HROB: variants seen among roughly 807,000 people sequenced by gnomAD.
HROB encodes homologous recombination factor with OB-fold.
HROB carries 44 observed loss-of-function variants against 61.0 expected under a neutral mutation model. The ratio of observed to expected loss-of-function variants is 0.72; its 90% CI spans 0.57 to 0.93. The LOEUF is 0.93. Ranked by LOEUF, HROB falls within the 40% of genes least tolerant of loss-of-function variation. HROB has a pLI of 0.00. For missense variants in HROB, 716 were observed against 796.2 expected (o/e 0.90, Z 1.21); for synonymous variants, 301 against 310.4 (o/e 0.97, Z 0.32).
At chr17:44,152,402 C>G (rs181782190) in intron 4 of HROB, among the ~76,000 whole-genome samples, 1 of 150,476 alleles carries the variant, frequency 6.6e-6, no homozygotes, top group Admixed American at 6.7e-5. Flanking sequence ...AAGATTTTCA[C>G]GTGCTTCAAA....
In HROB at chr17:44,148,801, G is replaced by T; in HGVS notation, c.998G>T (p.Gly333Val). ...TCTACTCCCTCAAGGACTAGCTCTG[G>T]ATTATTTCCTCGGATACCCTTACAA... ...SCSTPSRTSS[G>V]LFPRIPLQPQ... is the part of the protein sequence containing the mutation. The change falls in exon 3 of 10, where the codon GGA (glycine) becomes GTA (valine). Residue 333 changes from glycine (G) to valine (V), a missense_variant. Transcript: ENST00000585683. 1.2e-6 allele frequency: 2 copies of T among 1,614,164 alleles called. No homozygotes were observed. The highest frequency in any genetic ancestry group is 1.7e-6 in the Non-Finnish European group (2 of 1,180,036).
chr17:44,158,891 C>T (rs900451077), intron 9 of HROB, among the ~76,000 whole-genome samples: 49 of 152,144 alleles, frequency 3.2e-4, no homozygotes, highest in Non-Finnish European at 8.8e-5. Context: ...TCGCGATCTG[C>T]CCGCCTCAGC....
intron 8 of HROB, among the ~76,000 whole-genome samples, chr17:44,157,607 G>A (rs1476356291): frequency 6.6e-6 from 1 of 151,792 alleles, no homozygotes; most frequent in Non-Finnish European, 1.5e-5. Context: ...TAGAGATGTG[G>A]TTTCACCGTG....
intron 8 of HROB, among the ~76,000 whole-genome samples, chr17:44,156,348 A>G (rs1458201500): frequency 6.6e-6 from 1 of 150,640 alleles, no homozygotes; most frequent in Non-Finnish European, 1.5e-5. Context: ...CGATTCTCCC[A>G]CCTCAGCCTC....
intron 5 of HROB, 141 bp from the exon 6 acceptor site, chr17:44,154,415 C>CCCA: frequency 1.4e-6 from 1 of 711,582 alleles, no homozygotes; most frequent in Non-Finnish European, 2.4e-6. Context: ...GATGGGGTAC[C>CCCA]TCCTTGTCCT....
chr17:44,145,284 G>C (rs769880014), intron 2 of HROB, 31 bp downstream of exon 2: 1 of 1,612,658 alleles, frequency 6.2e-7, no homozygotes, highest in Admixed American at 1.7e-5. Context: ...AGAGGTGGCA[G>C]ACGAGGTCTT....
Position 44,145,189 on chromosome 17 carries a change from T to A in HROB, c.4-14T>A. Reference sequence around the variant, plus strand: ...TGGTATTTCTCAACCCCAGTTGGTTTTTTTTCTTTTCAGGCGTGCAGTTTG... The same window carrying A: ...TGGTATTTCTCAACCCCAGTTGGTTATTTTTCTTTTCAGGCGTGCAGTTTG... On this transcript the variant is annotated splice_polypyrimidine_tract_variant and intron_variant, in intron 1 of 9. Coordinates refer to ENST00000585683, the MANE Select transcript of HROB (RefSeq NM_001171251.3). 6.2e-7 allele frequency: 1 copy of A among 1,613,876 alleles called. No individual in the cohort carries two copies. Among genetic ancestry groups the A allele is most frequent in the Non-Finnish European group, 8.5e-7 (1 of 1,179,764 alleles).
Position 44,141,996 on chromosome 17 carries a change from C to G in HROB, c.-147C>G, listed in dbSNP as rs2053455528. The G allele has an allele frequency of 1.7e-6, 2 of 1,157,162 alleles. No homozygotes were observed. The highest frequency in any genetic ancestry group is 2.4e-6 in the Non-Finnish European group (2 of 840,460). 71.7% of individuals were successfully genotyped at this position (1,157,162 alleles called of 1,614,324 possible). A position where few individuals can be genotyped will look rare whatever the true frequency, so the allele number is the denominator to read the frequency against. On this transcript the variant is annotated 5_prime_UTR_variant, in exon 1 of 10. The change creates a new upstream start codon in the 5' untranslated region. Transcript: ENST00000585683. ...AGTCTCCTGGCGACTTTCCCTATAT[C>G]GCAGAGACTCATCCCTCTGACCCCA...
chr17:44,160,307 C>A (rs2054098947), intron 9 of HROB, among the ~76,000 whole-genome samples: 1 of 152,224 alleles, frequency 6.6e-6, no homozygotes, highest in Admixed American at 6.5e-5. Context: ...GTGGCTCACT[C>A]CTGTAATCCC....
Position 44,157,916 on chromosome 17 carries a change from C to T in HROB, c.1854C>T (p.Ser618=). ...RTAQNLEAEA[S]PEEELPEADD... ...CACAGAACCTAGAGGCAGAGGCGTC[C>T]CCTGAGGAAGAACTCCCAGAAGCAG... Residue 618 remains serine, a synonymous_variant, in exon 9 of 10, where the codon TCC becomes TCT. Coordinates refer to ENST00000585683, the MANE Select transcript of HROB (RefSeq NM_001171251.3). 2.5e-6 allele frequency: 4 copies of T among 1,613,290 alleles called. No individual in the cohort carries two copies. The highest frequency in any genetic ancestry group is 3.4e-6 in the Non-Finnish European group (4 of 1,179,590).
intron 7 of HROB, 118 bp downstream of exon 7, chr17:44,155,056 T>A (rs2053931935): frequency 7.3e-7 from 1 of 1,368,476 alleles, no homozygotes; most frequent in African/African-American, 1.4e-5. Flanking sequence ...GAACCATTGC[T>A]AGGCCCTGGC....
In HROB at chr17:44,150,914, A is replaced by C. The variant is rs1424366118; in HGVS notation, c.1225-47A>C. ...CAGACAATAAGCTGTACTTGTAAATAACAGCTGCTAAGCTTGCTCTCATCT... is the reference window on the plus strand; with the variant it reads ...CAGACAATAAGCTGTACTTGTAAATCACAGCTGCTAAGCTTGCTCTCATCT... On this transcript the variant is annotated intron_variant, in intron 3 of 9. Coordinates refer to ENST00000585683, the MANE Select transcript of HROB (RefSeq NM_001171251.3). 3.4e-6 allele frequency: 5 copies of C among 1,469,116 alleles called. No homozygotes were observed. In the African/African-American group the frequency reaches 7.0e-5, roughly 20 times the overall value. 91.0% of individuals were successfully genotyped at this position (1,469,116 alleles called of 1,614,324 possible).
intron 2 of HROB, 79 bp downstream of exon 2, chr17:44,145,332 GC>G (rs1429802671): frequency 1.3e-6 from 2 of 1,503,188 alleles, no homozygotes; most frequent in African/African-American, 2.8e-5. Context: ...TTTTGGATTA[GC>G]CTGTACCAGC....
chr17:44,143,794 G>T (rs1268997280), intron 1 of HROB, among the ~76,000 whole-genome samples: 2 of 152,076 alleles, frequency 1.3e-5, no homozygotes, highest in African/African-American at 4.8e-5. Context: ...TCCAGTCTGG[G>T]CAATAGGGCA....
chr17:44,158,864 G>A (rs2054049587), intron 9 of HROB, among the ~76,000 whole-genome samples: 1 of 151,876 alleles, frequency 6.6e-6, no homozygotes, highest in Non-Finnish European at 1.5e-5. Context: ...AGCCAGGATG[G>A]TCTCGATCTC....
chr17:44,149,749 T>C (rs2053741775), intron 3 of HROB, among the ~76,000 whole-genome samples: 1 of 152,224 alleles, frequency 6.6e-6, no homozygotes. Flanking sequence ...ACAATTTGCT[T>C]GGAACTGAGA....
chr17:44,146,664 A>G (rs1315790094), intron 2 of HROB, among the ~76,000 whole-genome samples: 1 of 152,192 alleles, frequency 6.6e-6, no homozygotes, highest in Non-Finnish European at 1.5e-5. Flanking sequence ...CAGAGTCATC[A>G]GGATTTTATT....
rs749492771 is a variant in HROB, at chr17:44,162,084, A to G, written c.*152A>G. Reference sequence around the variant, plus strand: ...GCTCCCACCCTGGGTGTTTTCCCTGAGAGCCCCCTCATCTCTGCGCTGCCC... The same window carrying G: ...GCTCCCACCCTGGGTGTTTTCCCTGGGAGCCCCCTCATCTCTGCGCTGCCC... On this transcript the variant is annotated 3_prime_UTR_variant, in exon 10 of 10. Coordinates refer to ENST00000585683, the MANE Select transcript of HROB (RefSeq NM_001171251.3). 2.2e-5 allele frequency: 17 copies of G among 782,206 alleles called. No individual in the cohort carries two copies. The highest frequency in any genetic ancestry group is 3.4e-5 in the Non-Finnish European group (17 of 494,210). 48.5% of individuals were successfully genotyped at this position (782,206 alleles called of 1,614,324 possible). A position where few individuals can be genotyped will look rare whatever the true frequency, so the allele number is the denominator to read the frequency against.
At chr17:44,153,973 A>G (rs2053894006) in intron 5 of HROB, among the ~76,000 whole-genome samples, 1 of 152,102 alleles carries the variant, frequency 6.6e-6, no homozygotes, top group African/African-American at 2.4e-5. Flanking sequence ...GCTTGAACCC[A>G]GAGGCGGAGG....
Sources: gnomAD v4.1 joint callset for allele counts (sites outside exome capture counted in the v4.1 genomes callset) on GRCh38, gnomAD v4.1.1 for gene constraint, MANE v1.5 for transcripts, NCBI Gene and HGNC (gene_info 2026-07-23, HGNC 2026-07-21) for gene names.